The following RNF228 variants were observed in gnomAD, a reference collection of about 807,000 sequenced individuals.
RNF228 encodes ring finger protein 228.
At chr2:222,316,887 A>G in the RNF228 span, among the ~76,000 whole-genome samples, 7 of 152,244 alleles carry the variant, frequency 4.6e-5, no homozygotes. Flanking sequence ...AATTAAAACT[A>G]AGTTCTGAAA....
chr2:222,319,769 A>AGCGGCGGCG, the RNF228 span, among the ~76,000 whole-genome samples: 3 of 140,400 alleles, frequency 2.1e-5, no homozygotes, highest in African/African-American at 7.8e-5. This position sits in a 1 kb window ranked among gnomAD's most constrained non-coding sequence, Gnocchi z 7.6. Context: ...GCGCGGCGGC[A>AGCGGCGGCG]GCGGCGGCGG....
chr2:222,320,106 TCCTCCCCCTGCA>T, the RNF228 span, among the ~76,000 whole-genome samples: 10 of 152,044 alleles, frequency 6.6e-5, no homozygotes, highest in Non-Finnish European at 5.9e-5. Context: ...TGAGGTGCCT[TCCTCCCCCTGCA>T]CCGCCGCCTG....
the RNF228 span, chr2:222,318,781 C>CG: frequency 2.6e-5 from 4 of 151,080 alleles, no homozygotes; most frequent in East Asian, 2.0e-4. Flanking sequence ...ACCCCCCCCC[C>CG]CCACCAACAT....
chr2:222,319,191 A>G, the RNF228 span: 2 of 315,494 alleles, frequency 6.3e-6, no homozygotes, highest in Non-Finnish European at 1.2e-5. This position sits in a 1 kb window ranked among gnomAD's most constrained non-coding sequence, Gnocchi z 7.6. Context: ...GATGCTGGCC[A>G]CCGACAGGCA....
chr2:222,317,896 T>C, the RNF228 span: 1 of 152,230 alleles, frequency 6.6e-6, no homozygotes, highest in African/African-American at 2.4e-5. Context: ...CCAACAGGCT[T>C]TTATTTTCTG....
chr2:222,314,832 T>C, the RNF228 span, among the ~76,000 whole-genome samples: 1 of 152,252 alleles, frequency 6.6e-6, no homozygotes, highest in Non-Finnish European at 1.5e-5. Context: ...GATCTTTTTC[T>C]CATGTTGGAA....
the RNF228 span, chr2:222,319,056 G>A: frequency 1.8e-5 from 3 of 163,478 alleles, no homozygotes; most frequent in Non-Finnish European, 3.9e-5. This position sits in a 1 kb window ranked among gnomAD's most constrained non-coding sequence, Gnocchi z 7.6. Context: ...CGCGCCGCCC[G>A]CCGCAGCCCG....
chr2:222,319,774 C>A, the RNF228 span, among the ~76,000 whole-genome samples: 1 of 146,064 alleles, frequency 6.8e-6, no homozygotes, highest in East Asian at 2.1e-4. This position sits in a 1 kb window ranked among gnomAD's most constrained non-coding sequence, Gnocchi z 7.6. Context: ...GCGGCAGCGG[C>A]GGCGGCGGCG....
the RNF228 span, among the ~76,000 whole-genome samples, chr2:222,314,709 T>G: frequency 8.2e-4 from 125 of 152,338 alleles, no homozygotes; most frequent in African/African-American, 2.6e-3. Flanking sequence ...ACTGGGAAAT[T>G]GCTTAGTTAT....
At chr2:222,314,795 G>A in the RNF228 span, among the ~76,000 whole-genome samples, 1 of 152,286 alleles carries the variant, frequency 6.6e-6, no homozygotes, top group Admixed American at 6.5e-5. Flanking sequence ...AGAAAACAGG[G>A]AGTAACAAAT....
the RNF228 span, chr2:222,317,381 C>T: frequency 2.9e-4 from 44 of 152,222 alleles, no homozygotes; most frequent in African/African-American, 8.9e-4. Context: ...TACAAATGCT[C>T]GATTCAAGTT....
the RNF228 span, among the ~76,000 whole-genome samples, chr2:222,316,052 A>AG: frequency 6.6e-6 from 1 of 151,794 alleles, no homozygotes; most frequent in East Asian, 1.9e-4. Context: ...TGCCATGGGA[A>AG]GGGAAAAAAA....
the RNF228 span, chr2:222,317,103 C>G: frequency 2.0e-5 from 3 of 152,148 alleles, no homozygotes; most frequent in African/African-American, 7.2e-5. Flanking sequence ...ACGCACATTT[C>G]CATGTGTGAG....
the RNF228 span, among the ~76,000 whole-genome samples, chr2:222,316,180 G>A: frequency 6.6e-6 from 1 of 152,172 alleles, no homozygotes; most frequent in Non-Finnish European, 1.5e-5. Flanking sequence ...AAATATAAAT[G>A]ATTAAACCCA....
the RNF228 span, chr2:222,318,517 C>A: frequency 6.6e-6 from 1 of 152,316 alleles, no homozygotes; most frequent in Non-Finnish European, 1.5e-5. Context: ...CCCATTCATT[C>A]TTCCTCCGGG....
the RNF228 span, chr2:222,319,219 A>C: frequency 6.2e-6 from 2 of 321,068 alleles, no homozygotes; most frequent in Admixed American, 1.0e-4. The surrounding 1 kb of genome is among the most constrained non-coding windows in gnomAD (Gnocchi z 7.6). Flanking sequence ...CCCACGGGCG[A>C]GGGCGAGGGC....
chr2:222,318,331 C>A, the RNF228 span: 1 of 152,336 alleles, frequency 6.6e-6, no homozygotes, highest in Non-Finnish European at 1.5e-5. Flanking sequence ...CACTCCGAGT[C>A]GGCTCCGATC....
the RNF228 span, among the ~76,000 whole-genome samples, chr2:222,314,858 G>A: frequency 7.3e-3 from 1,116 of 152,290 alleles, 13 homozygotes; most frequent in African/African-American, 0.026. Context: ...ACTGCAATGT[G>A]CTTTTTTCCC....
At chr2:222,316,063 A>T in the RNF228 span, among the ~76,000 whole-genome samples, 1 of 152,208 alleles carries the variant, frequency 6.6e-6, no homozygotes, top group Non-Finnish European at 1.5e-5. Context: ...GGGAAAAAAA[A>T]ATACCACTTT....
Sources: allele counts gnomAD v4.1 joint callset (sites outside exome capture counted in the v4.1 genomes callset), GRCh38; gene constraint gnomAD v4.1.1; non-coding constraint Gnocchi (gnomAD v3.1); transcripts MANE v1.5; gene names NCBI Gene and HGNC (gene_info 2026-07-23, HGNC 2026-07-21).